The following F2 variants were observed in gnomAD, a reference collection of about 807,000 sequenced individuals.
F2 encodes the protein prothrombin.
Under a neutral mutation model 81.9 loss-of-function variants are expected in F2, and 34 were observed. The observed-to-expected ratio is 0.42, with a 90% confidence interval of 0.32 to 0.55. The LOEUF is 0.55. Ranked by LOEUF, F2 falls within the 20% of genes least tolerant of loss-of-function variation. The probability of loss-of-function intolerance (pLI) is 0.18; values close to 1 mark genes in which losing one functional copy is unlikely to be tolerated. For synonymous variants in F2, 296 were observed against 326.4 expected (o/e 0.91, Z 1.01); for missense variants, 630 against 833.4 (o/e 0.76, Z 3.00).
rs1043295771 is a variant in F2 at position 46,739,408 on chromosome 11, G to A, written c.1869G>A (p.Ter623=). The A allele has an allele frequency of 2.5e-6, 4 of 1,613,970 alleles. No homozygotes were observed. The African/African-American group carries it at 5.3e-5, about 22-fold the overall frequency. ...IQKVIDQFGE[*] is the part of the protein sequence containing the mutation. ...AGGTCATTGATCAGTTTGGAGAGTA[G>A]GGGGCCACTCATATTCTGGGCTCCT... is the stretch of plus-strand genomic sequence containing the variant. Residue 623 remains the stop codon, a stop_retained_variant, in exon 14 of 14, where the codon TAG becomes TAA. Transcript: ENST00000311907.
chr11:46,730,430 C>T (rs1299304180), intron 12 of F2, among the ~76,000 whole-genome samples: 3 of 151,662 alleles, frequency 2.0e-5, no homozygotes, highest in Non-Finnish European at 2.9e-5. Flanking sequence ...GGAGGAGCAC[C>T]GCAGGCTGGG....
At chr11:46,724,304 G>A (rs1389606919) in intron 6 of F2, among the ~76,000 whole-genome samples, 1 of 152,100 alleles carries the variant, frequency 6.6e-6, no homozygotes, top group African/African-American at 2.4e-5. Context: ...GGCTGCACTC[G>A]CTAATGCGTC....
intron 12 of F2, among the ~76,000 whole-genome samples, 188 bp downstream of exon 12, chr11:46,729,749 A>G (rs546744821): frequency 2.3e-4 from 35 of 152,242 alleles, no homozygotes; most frequent in African/African-American, 8.4e-4. Context: ...ATGAAGTAGT[A>G]TATATTAATG....
intron 6 of F2, among the ~76,000 whole-genome samples, chr11:46,725,426 C>T (rs144354892): frequency 6.6e-6 from 1 of 152,216 alleles, no homozygotes; most frequent in African/African-American, 2.4e-5. Flanking sequence ...ATTTACTCCC[C>T]AACCCCCATA....
intron 4 of F2, 98 bp downstream of exon 4, chr11:46,720,938 C>A: frequency 7.8e-7 from 1 of 1,278,518 alleles, no homozygotes; most frequent in Non-Finnish European, 1.1e-6. Flanking sequence ...GAGGCCGAGG[C>A]AGTCCCCAGC....
intron 2 of F2, chr11:46,720,072 C>T (rs2064826957): frequency 1.5e-6 from 1 of 676,090 alleles, no homozygotes; most frequent in South Asian, 1.9e-5. Context: ...TGTGCAGCTC[C>T]ATGACATGGG....
At chr11:46,736,136 G>A (rs1306161828) in intron 12 of F2, among the ~76,000 whole-genome samples, 1 of 152,072 alleles carries the variant, frequency 6.6e-6, no homozygotes, top group Non-Finnish European at 1.5e-5. Context: ...CTGGGAGGAG[G>A]AGGTTGCAGT....
rs900689193 is a variant in F2 at position 46,726,895 on chromosome 11, C to A, written c.1130+58C>A. The A allele has an allele frequency of 1.2e-6, 2 of 1,608,668 alleles. No individual in the cohort carries two copies. Among genetic ancestry groups the A allele is most frequent in the South Asian group, 2.2e-5 (2 of 90,884 alleles). On this transcript the variant is annotated intron_variant, in intron 9 of 13. Transcript: ENST00000311907. The surrounding 1 kb of genome is among the most constrained non-coding windows in gnomAD (Gnocchi z 5.9). ...CCTGGGGGCAGGTGTGCTGCTGGAC[C>A]CCCACCCTCAGGCCCTGCCTGCAGG... is the stretch of plus-strand genomic sequence containing the variant.
Position 46,728,871 on chromosome 11 carries a change from GAAGCC to G in F2, c.1472+38_1472+42del. 1 of 1,610,970 alleles carries G rather than the reference GAAGCC, an allele frequency of 6.2e-7. No individual in the cohort carries two copies. The highest frequency in any genetic ancestry group is 8.5e-7 in the Non-Finnish European group (1 of 1,179,080). ...CCAGATGCTTGTTAGCTGAGGGGCA[GAAGCC>G]AAGTTCTGGGCCTGGCTCTGATACC... On this transcript the variant is annotated intron_variant, in intron 11 of 13. Transcript: ENST00000311907. The surrounding 1 kb of genome is among the most constrained non-coding windows in gnomAD (Gnocchi z 5.1).
At position 46,726,099 on chromosome 11, in the gene F2, G is replaced by C; in HGVS notation, c.800G>C (p.Gly267Ala). 1 of 1,614,216 alleles carries C rather than the reference G, an allele frequency of 6.2e-7. No homozygotes were observed. Among genetic ancestry groups the C allele is most frequent in the Middle Eastern group, 1.6e-4 (1 of 6,062 alleles). The change falls in exon 7 of 14, where the codon GGG becomes GCG. Residue 267 changes from glycine to alanine, a missense_variant. Transcript: ENST00000311907. The surrounding 1 kb of genome is among the most constrained non-coding windows in gnomAD (Gnocchi z 5.9). The stretch of plus-strand genomic sequence containing the variant: ...GAGAACTTCTGCCGCAACCCAGACG[G>C]GGATGAGGAGGGCGTGTGGTGCTAT... ...LVENFCRNPD[G>A]DEEGVWCYVA... is the part of the protein sequence containing the mutation.
At position 46,728,177 on chromosome 11, in the gene F2, G is replaced by A. The variant is rs766344504; in HGVS notation, c.1298+14G>A. The A allele has an allele frequency of 1.2e-5, 19 of 1,603,316 alleles. No homozygotes were observed. The highest frequency in any genetic ancestry group is 1.5e-5 in the Non-Finnish European group (18 of 1,175,424). Reference sequence around the variant, plus strand: ...CTCCCGCACCAGGTACAGAACTGGTGGCCCGTGGGTGTCTGGCAGGGGTCT... The same window carrying A: ...CTCCCGCACCAGGTACAGAACTGGTAGCCCGTGGGTGTCTGGCAGGGGTCT... On this transcript the variant is annotated intron_variant, in intron 10 of 13. Coordinates refer to ENST00000311907, the MANE Select transcript of F2 (RefSeq NM_000506.5). The surrounding 1 kb of genome is among the most constrained non-coding windows in gnomAD (Gnocchi z 5.1).
At chr11:46,729,019 G>C (rs865877085) in intron 11 of F2, among the ~76,000 whole-genome samples, 182 bp downstream of exon 11, 2 of 152,028 alleles carry the variant, frequency 1.3e-5, no homozygotes, top group Admixed American at 6.6e-5. Context: ...ATTTACTGAC[G>C]GAGTTCCACT....
intron 12 of F2, among the ~76,000 whole-genome samples, chr11:46,738,151 CCAA>C (rs2134546700): frequency 6.6e-6 from 1 of 152,190 alleles, no homozygotes; most frequent in African/African-American, 2.4e-5. Context: ...TAGGCGCACA[CCAA>C]CATGTCTGGC....
In F2 at chr11:46,723,585, G is replaced by A; in HGVS notation, c.559+67G>A. ...GGGCTTCATGGGGCCTGGCAGCCTG[G>A]GATGGGAACCAAGAATACTGGCTAC... On this transcript the variant is annotated intron_variant, in intron 6 of 13. Transcript: ENST00000311907. The surrounding 1 kb of genome is among the most constrained non-coding windows in gnomAD (Gnocchi z 5.6). The A allele has an allele frequency of 6.5e-7, 1 of 1,544,346 alleles. No homozygotes were observed. The highest frequency in any genetic ancestry group is 8.8e-7 in the Non-Finnish European group (1 of 1,139,698).
At position 46,726,010 on chromosome 11, in the gene F2, G is replaced by A; in HGVS notation, c.711G>A (p.Trp237Ter). 1 of 1,614,012 alleles carries A rather than the reference G, an allele frequency of 6.2e-7. No individual in the cohort carries two copies. The highest frequency in any genetic ancestry group is 8.5e-7 in the Non-Finnish European group (1 of 1,179,976). The change falls in exon 7 of 14, where the codon TGG (tryptophan) becomes TGA (stop). Residue 237 changes from tryptophan (W) to a stop codon, truncating the protein, a stop_gained. Coordinates refer to ENST00000311907, the MANE Select transcript of F2 (RefSeq NM_000506.5). LOFTEE classifies it high-confidence loss of function. The surrounding 1 kb of genome is among the most constrained non-coding windows in gnomAD (Gnocchi z 5.9). Reference sequence around the variant, plus strand: ...CACATGGGCTCCCCTGCCTGGCCTGGGCCAGCGCACAGGCCAAGGCCCTGA... The same window carrying A: ...CACATGGGCTCCCCTGCCTGGCCTGAGCCAGCGCACAGGCCAAGGCCCTGA... The part of the protein sequence containing the change: ...VTTHGLPCLA[W>*]ASAQAKALSK...
rs566234614 is a variant in F2, at chr11:46,719,541, C to T, written c.80-161C>T. 2 of 999,342 alleles carry T rather than the reference C, an allele frequency of 2.0e-6. No homozygotes were observed. The highest frequency in any genetic ancestry group is 1.5e-5 in the South Asian group (1 of 67,210). 61.9% of individuals were successfully genotyped at this position (999,342 alleles called of 1,614,324 possible). On this transcript the variant is annotated intron_variant, in intron 1 of 13. Transcript: ENST00000311907. This position sits in a 1 kb window ranked among gnomAD's most constrained non-coding sequence, Gnocchi z 4.7. ...GGGGCAAGGGGCAGTGTAGGAGGGG[C>T]ACAGGGGGCCACATTTAGCAGCCTT...
rs934404696 is a variant in F2 at position 46,726,445 on chromosome 11, G to A, written c.875-53G>A. ...GTAGGGGAATTGGGGGGATCTAGGG[G>A]ATGGGTGAGGAATGGCCCAGCCCAG... is the stretch of plus-strand genomic sequence containing the variant. On this transcript the variant is annotated intron_variant, in intron 7 of 13. Coordinates refer to ENST00000311907, the MANE Select transcript of F2 (RefSeq NM_000506.5). The surrounding 1 kb of genome is among the most constrained non-coding windows in gnomAD (Gnocchi z 5.9). 1.5e-4 allele frequency: 231 copies of A among 1,592,294 alleles called. No homozygotes were observed. Among genetic ancestry groups the A allele is most frequent in the Non-Finnish European group, 1.9e-4 (219 of 1,169,932 alleles).
At chr11:46,720,451 G>A in intron 2 of F2, 72 bp from the exon 3 acceptor site, 1 of 1,554,526 alleles carries the variant, frequency 6.4e-7, no homozygotes, top group South Asian at 1.1e-5. Flanking sequence ...GTGTGAGGAG[G>A]AGACATAACA....
rs375752222 is a variant in F2, at chr11:46,728,119, C to T, written c.1254C>T (p.Thr418=). 21 of 1,610,842 alleles carry T rather than the reference C, an allele frequency of 1.3e-5. No individual in the cohort carries two copies. The Admixed American group carries it at 1.7e-4, about 13-fold the overall frequency. The change falls in exon 10 of 14, where the codon ACC becomes ACT. Residue 418 remains threonine, a synonymous_variant. Transcript: ENST00000311907. This position sits in a 1 kb window ranked among gnomAD's most constrained non-coding sequence, Gnocchi z 5.1. ...LLYPPWDKNF[T]ENDLLVRIGK... is the part of the protein sequence containing the mutation. ...ACCCGCCCTGGGACAAGAACTTCAC[C>T]GAGAATGACCTTCTGGTGCGCATTG...
Sources: gnomAD v4.1 joint callset for allele counts (sites outside exome capture counted in the v4.1 genomes callset) on GRCh38, gnomAD v4.1.1 for gene constraint, Gnocchi (gnomAD v3.1) non-coding constraint, MANE v1.5 for transcripts, NCBI Gene and HGNC (gene_info 2026-07-23, HGNC 2026-07-21) for gene names.